The following CREB1 variants were observed in gnomAD, a reference collection of about 807,000 sequenced individuals.
The protein encoded by CREB1 is cyclic AMP-responsive element-binding protein 1.
In CREB1, 2 loss-of-function variants were observed where a neutral mutation model predicts 42.0. The ratio of observed to expected loss-of-function variants is 0.05; its 90% CI spans 0.02 to 0.15. The LOEUF is 0.15. Ranked by LOEUF, CREB1 falls within the 10% of genes least tolerant of loss-of-function variation. CREB1 has a pLI of 1.00. For synonymous variants in CREB1, 123 were observed against 139.9 expected, an observed-to-expected ratio of 0.88 and a Z score of 0.85; for missense variants, 199 against 388.9, an observed-to-expected ratio of 0.51 and a Z score of 4.11.
chr2:207,567,504 G>A lies in CREB1; in HGVS notation c.303G>A (p.Val101=). The stretch of plus-strand genomic sequence containing the variant: ...AAAGTGAAGATTCACAGGAGTCAGT[G>A]GATAGTGTAACTGATTCCCAAAAGC... ...IAESEDSQES[V]DSVTDSQKRR... Residue 101 remains valine, a synonymous_variant, in exon 4 of 8, where the codon GTG becomes GTA. Transcript: ENST00000353267. 6.2e-7 allele frequency: 1 copy of A among 1,612,066 alleles called. No homozygotes were observed. The highest frequency in any genetic ancestry group is 8.5e-7 in the Non-Finnish European group (1 of 1,178,642).
intron 1 of CREB1, among the ~76,000 whole-genome samples, chr2:207,540,699 G>GA (rs1411514823): frequency 5.3e-5 from 4 of 75,754 alleles, no homozygotes; most frequent in East Asian, 8.8e-4. Context: ...AAAAAAAAAG[G>GA]AAAAAACCTT....
At chr2:207,588,876 C>A (rs932123477) in intron 7 of CREB1, among the ~76,000 whole-genome samples, 1 of 140,094 alleles carries the variant, frequency 7.1e-6, no homozygotes, top group Admixed American at 7.4e-5. Flanking sequence ...CTTATTAGTT[C>A]TAGGAGCTTT....
At chr2:207,596,310 G>A (rs1427628619) in intron 7 of CREB1, among the ~76,000 whole-genome samples, 1 of 152,134 alleles carries the variant, frequency 6.6e-6, no homozygotes, top group Non-Finnish European at 1.5e-5. Context: ...TAGCTTTAAT[G>A]TTTTCTTAGT....
intron 1 of CREB1, among the ~76,000 whole-genome samples, chr2:207,541,463 G>GTGTTACATTTCCCCA (rs1411786778): frequency 6.6e-6 from 1 of 151,936 alleles, no homozygotes; most frequent in Non-Finnish European, 1.5e-5. Context: ...ACTTACCGTT[G>GTGTTACATTTCCCCA]TGTTACATTT....
At chr2:207,569,918 G>A (rs549281098) in intron 4 of CREB1, among the ~76,000 whole-genome samples, 4 of 151,234 alleles carry the variant, frequency 2.6e-5, no homozygotes, top group East Asian at 3.9e-4. Context: ...GGTGGCAGGC[G>A]CCCGTAGTCC....
chr2:207,591,713 G>A (rs1373654012), intron 7 of CREB1, among the ~76,000 whole-genome samples: 5 of 152,208 alleles, frequency 3.3e-5, no homozygotes, highest in Admixed American at 2.0e-4. Context: ...GATTACAGGC[G>A]TGAACCACCA....
rs1303792372 is a variant in CREB1, at chr2:207,577,859, C to T, written c.839+204C>T. The stretch of plus-strand genomic sequence containing the variant: ...GTATGATTATGGGTCAATCTTTGAT[C>T]GTGGAGTAGTTTTCTTTCATGCAGT... On this transcript the variant is annotated intron_variant, in intron 7 of 7. Transcript: ENST00000353267. The T allele has an allele frequency of 7.2e-6, 4 of 552,676 alleles. No individual in the cohort carries two copies. In the East Asian group the frequency reaches 1.4e-4, roughly 19 times the overall value. 34.2% of individuals were successfully genotyped at this position (552,676 alleles called of 1,614,324 possible).
chr2:207,582,588 T>C (rs963863351), intron 7 of CREB1, among the ~76,000 whole-genome samples: 10 of 152,206 alleles, frequency 6.6e-5, no homozygotes, highest in Non-Finnish European at 1.5e-4. Flanking sequence ...TTTAAGCACA[T>C]CTTTACTTTC....
At chr2:207,557,429 T>C (rs1012195883) in intron 2 of CREB1, among the ~76,000 whole-genome samples, 1 of 152,132 alleles carries the variant, frequency 6.6e-6, no homozygotes, top group African/African-American at 2.4e-5. Flanking sequence ...ACACCTATAA[T>C]CCCCACACTT....
At chr2:207,580,816 T>C in intron 7 of CREB1, 1 of 222,878 alleles carries the variant, frequency 4.5e-6, no homozygotes, top group East Asian at 6.5e-5. Flanking sequence ...GCTGTGGCTC[T>C]CCTTCATGTG....
chr2:207,563,085 G>T (rs778671189), intron 3 of CREB1, among the ~76,000 whole-genome samples: 40 of 152,128 alleles, frequency 2.6e-4, no homozygotes, highest in Non-Finnish European at 5.1e-4. Flanking sequence ...GTGGAGGGAA[G>T]GGTGTTCTAC....
At chr2:207,582,313 T>G (rs768700427) in intron 7 of CREB1, among the ~76,000 whole-genome samples, 6 of 152,244 alleles carry the variant, frequency 3.9e-5, no homozygotes, top group Non-Finnish European at 7.3e-5. Context: ...TCAGTAAATC[T>G]TGTCTACAGT....
Position 207,567,517 on chromosome 2 carries a change from G to T in CREB1, c.316G>T (p.Asp106Tyr). 2 of 1,612,684 alleles carry T rather than the reference G, an allele frequency of 1.2e-6. No homozygotes were observed. The highest frequency in any genetic ancestry group is 2.2e-5 in the South Asian group (2 of 90,964). ...ACAGGAGTCAGTGGATAGTGTAACT[G>T]ATTCCCAAAAGCGAAGGGAAATTCT... ...DSQESVDSVT[D>Y]SQKRREILSR... The change falls in exon 4 of 8, where the codon GAT becomes TAT. Residue 106 changes from aspartate to tyrosine, a missense_variant. This residue lies in a region of CREB1 where 66 missense variants were observed against 150.8 expected (regional missense o/e 0.44). Transcript: ENST00000353267.
At chr2:207,577,759 ATT>A in intron 7 of CREB1, 104 bp downstream of exon 7, 2 of 1,352,384 alleles carry the variant, frequency 1.5e-6, no homozygotes, top group Non-Finnish European at 2.0e-6. Context: ...TTTGCATTGA[ATT>A]TTTTTTTTCC....
chr2:207,576,626 T>C, intron 6 of CREB1: 1 of 1,255,688 alleles, frequency 8.0e-7, no homozygotes. Context: ...TCACTTTACA[T>C]GCAGGTACTC....
chr2:207,550,199 C>T (rs775163490), intron 1 of CREB1: 7 of 151,968 alleles, frequency 4.6e-5, no homozygotes, highest in Non-Finnish European at 1.0e-4. Context: ...CTGTGGTTAC[C>T]CTGGAGACTT....
At chr2:207,560,497 A>C (rs1433787604) in intron 3 of CREB1, 125 bp downstream of exon 3, 3 of 854,802 alleles carry the variant, frequency 3.5e-6, no homozygotes, top group Non-Finnish European at 5.2e-6. Context: ...CAGTATAGGA[A>C]TATGCTGCAT....
At chr2:207,576,745 G>A in intron 6 of CREB1, 2 of 1,102,692 alleles carry the variant, frequency 1.8e-6, no homozygotes, top group African/African-American at 1.7e-5. Context: ...CATTTTAATT[G>A]ATATTAATAA....
At chr2:207,578,836 G>T (rs970505021) in intron 7 of CREB1, among the ~76,000 whole-genome samples, 4 of 151,900 alleles carry the variant, frequency 2.6e-5, no homozygotes, top group South Asian at 2.1e-4. Context: ...TGTCACCCAG[G>T]CAGGAGTGCA....
Sources: allele counts gnomAD v4.1 joint callset (sites outside exome capture counted in the v4.1 genomes callset), GRCh38; gene constraint gnomAD v4.1.1; regional missense constraint gnomAD v4.1.1; transcripts MANE v1.5; gene names NCBI Gene and HGNC (gene_info 2026-07-23, HGNC 2026-07-21).